PLCB1: variants seen among roughly 807,000 people sequenced by gnomAD.
The protein encoded by PLCB1 is 1-phosphatidylinositol 4,5-bisphosphate phosphodiesterase beta-1.
PLCB1 carries 46 observed loss-of-function variants against 161.8 expected under a neutral mutation model. The observed-to-expected ratio is 0.28, with a 90% CI of 0.22 to 0.36. PLCB1 has a LOEUF of 0.36. Ranked by LOEUF, PLCB1 falls within the 10% of genes least tolerant of loss-of-function variation. The pLI is 1.00. For missense variants in PLCB1, 1,016 were observed against 1,472.5 expected (o/e 0.69, Z 5.07); for synonymous variants, 517 against 503.7 (o/e 1.03, Z -0.35).
chr20:8,132,544 C>A lies in PLCB1; in HGVS notation c.-108C>A, dbSNP rs886502314. Reference sequence around the variant, plus strand: ...GAGGCCGGCGGGGAGCAGAGTCGAGCGCCTCCGGAGCAGAGAAAGGAGCCC... The same window carrying A: ...GAGGCCGGCGGGGAGCAGAGTCGAGAGCCTCCGGAGCAGAGAAAGGAGCCC... On this transcript the variant is annotated 5_prime_UTR_variant, in exon 1 of 32. Coordinates refer to ENST00000338037, the MANE Select transcript of PLCB1 (RefSeq NM_015192.4). The surrounding 1 kb of genome is among the most constrained non-coding windows in gnomAD (Gnocchi z 5.2). 5.0e-6 allele frequency: 3 copies of A among 594,582 alleles called. No homozygotes were observed. The highest frequency in any genetic ancestry group is 6.6e-5 in the South Asian group (2 of 30,326). 36.8% of individuals were successfully genotyped at this position (594,582 alleles called of 1,614,324 possible). A position where few individuals can be genotyped will look rare whatever the true frequency, so the allele number is the denominator to read the frequency against.
rs530541762 is a variant in PLCB1 at position 8,657,775 on chromosome 20, G to GA, written c.695+499dup. Among the ~76,000 whole-genome samples, 10 of 151,486 alleles carry GA rather than the reference G, an allele frequency of 6.6e-5. No individual in the cohort carries two copies. The South Asian group carries it at 1.7e-3, about 25-fold the overall frequency. ...TTTTTGAAAGATTAGAAGAAAAAAG[G>GA]AAAAAAAAGAAAGAAACCAAAGCAC... On this transcript the variant is annotated intron_variant, in intron 8 of 31. Transcript: ENST00000338037.
At chr20:8,844,412 C>T (rs544364513) in intron 31 of PLCB1, among the ~76,000 whole-genome samples, 1 of 152,288 alleles carries the variant, frequency 6.6e-6, no homozygotes, top group African/African-American at 2.4e-5. Context: ...GCACCACTGT[C>T]CAAGCCCTTG....
At chr20:8,706,007 C>A (rs1047071094) in intron 11 of PLCB1, among the ~76,000 whole-genome samples, 36 of 152,212 alleles carry the variant, frequency 2.4e-4, no homozygotes, top group African/African-American at 8.7e-4. Flanking sequence ...AAAAGACTGT[C>A]AGTCAGCTTC....
In PLCB1 at chr20:8,727,299, C is replaced by T. The variant is rs746884641; in HGVS notation, c.1679-10C>T. ...CTTCCCCTTTTTTGTTTTGTTGTTG[C>T]TTAACTCAGAAAGAAATAAAAGTTT... On this transcript the variant is annotated splice_polypyrimidine_tract_variant and intron_variant, in intron 16 of 31. Transcript: ENST00000338037. The T allele has an allele frequency of 1.3e-6, 2 of 1,512,390 alleles. No individual in the cohort carries two copies. Among genetic ancestry groups the T allele is most frequent in the African/African-American group, 2.8e-5 (2 of 72,530 alleles). 93.7% of individuals were successfully genotyped at this position (1,512,390 alleles called of 1,614,324 possible).
chr20:8,534,916 C>A (rs900835498), intron 3 of PLCB1, among the ~76,000 whole-genome samples: 2 of 151,854 alleles, frequency 1.3e-5, no homozygotes, highest in African/African-American at 4.8e-5. Context: ...CTTATATCAG[C>A]AAATGCATCA....
chr20:8,831,261 TC>T, intron 31 of PLCB1: 1 of 156,382 alleles, frequency 6.4e-6, no homozygotes. Context: ...CAGGGCTCTG[TC>T]CCCATGATGT....
chr20:8,715,421 T>A (rs1197619787), intron 12 of PLCB1, among the ~76,000 whole-genome samples: 3 of 152,184 alleles, frequency 2.0e-5, no homozygotes, highest in Non-Finnish European at 4.4e-5. Flanking sequence ...TTCAAAGGCG[T>A]TTGCATCCAT....
intron 2 of PLCB1, among the ~76,000 whole-genome samples, chr20:8,182,305 A>G (rs2051852471): frequency 6.6e-6 from 1 of 152,102 alleles, no homozygotes. Flanking sequence ...GTTGGAGACT[A>G]TTTCCTCACC....
At chr20:8,772,179 A>G (rs1316289550) in intron 26 of PLCB1, among the ~76,000 whole-genome samples, 6 of 151,242 alleles carry the variant, frequency 4.0e-5, no homozygotes, top group African/African-American at 1.5e-4. Context: ...CCAGCACACC[A>G]GGCCTGTTCC....
intron 2 of PLCB1, among the ~76,000 whole-genome samples, chr20:8,330,022 C>A (rs2745778): frequency 0.012 from 1,879 of 152,264 alleles, 36 homozygotes; most frequent in African/African-American, 0.042. Context: ...GGTGGCAAGA[C>A]GGTGTTCAAG....
chr20:8,673,363 T>G (rs2123367724), intron 9 of PLCB1, among the ~76,000 whole-genome samples: 1 of 152,344 alleles, frequency 6.6e-6, no homozygotes, highest in East Asian at 1.9e-4. Flanking sequence ...TGGCTTATTC[T>G]GAATTATTCT....
rs1201534348 is a variant in PLCB1 at position 8,629,869 on chromosome 20, CTTTCTT to C, written c.384+1440_384+1445del. On this transcript the variant is annotated intron_variant, in intron 4 of 31. Coordinates refer to ENST00000338037, the MANE Select transcript of PLCB1 (RefSeq NM_015192.4). ...TCTTTCTTTCTTTCTTTCTTTCTTT[CTTTCTT>C]TCTCTCTCTCTTTCTTTTCTTTCTT... Among the ~76,000 whole-genome samples the C allele has an allele frequency of 2.5e-4, 20 of 80,194 alleles. No individual in the cohort carries two copies. The Middle Eastern group carries it at 0.019, about 76-fold the overall frequency. 52.6% of individuals were successfully genotyped at this position (80,194 alleles called of 152,430 possible).
chr20:8,647,761 C>G, intron 5 of PLCB1, 139 bp from the exon 6 acceptor site: 1 of 661,236 alleles, frequency 1.5e-6, no homozygotes, highest in Non-Finnish European at 2.7e-6. Flanking sequence ...ATCTGGGTGC[C>G]AACTGTGGAG....
intron 3 of PLCB1, among the ~76,000 whole-genome samples, chr20:8,489,267 A>C (rs770464429): frequency 6.6e-6 from 1 of 152,164 alleles, no homozygotes; most frequent in African/African-American, 2.4e-5. Flanking sequence ...AGGATGGTGT[A>C]TTTGCGTGGC....
chr20:8,309,140 C>T (rs1349167278), intron 2 of PLCB1, among the ~76,000 whole-genome samples: 1 of 152,110 alleles, frequency 6.6e-6, no homozygotes, highest in Non-Finnish European at 1.5e-5. Context: ...GTGGGAGAAT[C>T]TCTGGTTTTA....
At chr20:8,700,717 G>A (rs1000237954) in intron 11 of PLCB1, among the ~76,000 whole-genome samples, 1 of 152,182 alleles carries the variant, frequency 6.6e-6, no homozygotes, top group South Asian at 2.1e-4. Flanking sequence ...TCCTGCTAAT[G>A]CACATAGCAG....
intron 4 of PLCB1, among the ~76,000 whole-genome samples, chr20:8,642,237 G>A (rs1988979893): frequency 1.3e-5 from 2 of 152,110 alleles, no homozygotes; most frequent in African/African-American, 4.8e-5. Flanking sequence ...GATCCACAGA[G>A]AAACTATACC....
intron 31 of PLCB1, among the ~76,000 whole-genome samples, chr20:8,806,686 G>A (rs1319732407): frequency 6.6e-6 from 1 of 152,006 alleles, no homozygotes; most frequent in Non-Finnish European, 1.5e-5. Context: ...GTACACGTTG[G>A]GCTTTGCAAC....
At chr20:8,553,798 C>G (rs1600148770) in intron 3 of PLCB1, among the ~76,000 whole-genome samples, 1 of 151,964 alleles carries the variant, frequency 6.6e-6, no homozygotes, top group Non-Finnish European at 1.5e-5. Context: ...ATCAGGGGTT[C>G]AAGACCATCC....
Sources: gnomAD v4.1 joint callset for allele counts (sites outside exome capture counted in the v4.1 genomes callset) on GRCh38, gnomAD v4.1.1 for gene constraint, Gnocchi (gnomAD v3.1) non-coding constraint, MANE v1.5 for transcripts, NCBI Gene and HGNC (gene_info 2026-07-23, HGNC 2026-07-21) for gene names.